TENM2: variants seen among roughly 807,000 people sequenced by gnomAD.
TENM2 encodes teneurin-2.
A neutral mutation model predicts 245.2 loss-of-function variants in TENM2; 52 were observed. The observed-to-expected ratio is 0.21, with a 90% CI of 0.17 to 0.27. The LOEUF (loss-of-function observed/expected upper bound fraction) is 0.27. TENM2 is among the 10% of genes least tolerant of loss of function. The pLI is 1.00. For missense variants in TENM2, 3,046 were observed against 3,666.8 expected (o/e 0.83, Z 4.37); for synonymous variants, 1,363 against 1,438.9 (o/e 0.95, Z 1.19).
In TENM2 at chr5:167,935,305, T is replaced by C. The variant is rs1778618922; in HGVS notation, c.713-17283T>C. On this transcript the variant is annotated intron_variant, in intron 3 of 28. Transcript: ENST00000518659. ...CCTATTGTGAGCCTAGGCAGTGCCA[T>C]TTTTCTGTACATCCCTCTCTTTTCT... Among the ~76,000 whole-genome samples, 4 of 152,150 alleles carry C rather than the reference T, an allele frequency of 2.6e-5. No homozygotes were observed. In the South Asian group the frequency reaches 8.3e-4, roughly 32 times the overall value.
At chr5:167,970,298 T>C (rs1008050689) in intron 4 of TENM2, among the ~76,000 whole-genome samples, 1 of 152,238 alleles carries the variant, frequency 6.6e-6, no homozygotes, top group Non-Finnish European at 1.5e-5. Flanking sequence ...TGTGGCCACT[T>C]AATGCATTTT....
intron 2 of TENM2, among the ~76,000 whole-genome samples, chr5:167,565,048 C>T (rs987997961): frequency 6.6e-6 from 1 of 152,190 alleles, no homozygotes; most frequent in Non-Finnish European, 1.5e-5. Context: ...AATTGAGAGG[C>T]GCTACAAAAT....
intron 2 of TENM2, among the ~76,000 whole-genome samples, chr5:167,536,464 A>G (rs1771854247): frequency 6.6e-6 from 1 of 152,188 alleles, no homozygotes; most frequent in Non-Finnish European, 1.5e-5. Flanking sequence ...TACTTAAAAA[A>G]AAAAATAACC....
At chr5:167,068,658 A>G in the TENM2 span, among the ~76,000 whole-genome samples, 23,177 of 152,182 alleles carry the variant, frequency 0.15, 2,555 homozygotes, top group East Asian at 0.38. Flanking sequence ...GGTGGCTACT[A>G]TATTACACAG....
At chr5:167,407,471 T>G (rs993154690) in intron 2 of TENM2, among the ~76,000 whole-genome samples, 4 of 152,092 alleles carry the variant, frequency 2.6e-5, no homozygotes, top group African/African-American at 7.2e-5. Flanking sequence ...TTTAACACTG[T>G]GAAGTCTCTT....
the TENM2 span, among the ~76,000 whole-genome samples, chr5:167,176,787 G>A: frequency 2.0e-5 from 3 of 152,168 alleles, no homozygotes; most frequent in Non-Finnish European, 4.4e-5. Flanking sequence ...CTATAAAAAA[G>A]ATATCAATAT....
chr5:167,223,696 A>G, the TENM2 span, among the ~76,000 whole-genome samples: 5 of 152,110 alleles, frequency 3.3e-5, no homozygotes, highest in African/African-American at 1.2e-4. Flanking sequence ...TTTCCTCTGA[A>G]TAAATATCCA....
At chr5:167,411,573 A>AGTGTGTGTGTGTGTGT (rs60856762) in intron 2 of TENM2, among the ~76,000 whole-genome samples, 7 of 145,046 alleles carry the variant, frequency 4.8e-5, no homozygotes, top group African/African-American at 1.5e-4. Context: ...TGTAGGTGAG[A>AGTGTGTGTGTGTGTGT]GTGTGTGTGT....
At chr5:167,859,323 C>A (rs1324936554) in intron 2 of TENM2, among the ~76,000 whole-genome samples, 1 of 146,230 alleles carries the variant, frequency 6.8e-6, no homozygotes, top group Admixed American at 6.7e-5. Flanking sequence ...GCAGCCACCC[C>A]ATCTGGGAAG....
In TENM2 at chr5:167,829,305, C is replaced by T. The variant is rs567893628; in HGVS notation, c.503-46681C>T. Among the ~76,000 whole-genome samples, 3 of 152,354 alleles carry T rather than the reference C, an allele frequency of 2.0e-5. No individual in the cohort carries two copies. The East Asian group carries it at 5.8e-4, about 29-fold the overall frequency. On this transcript the variant is annotated intron_variant, in intron 2 of 28. Transcript: ENST00000518659. ...GCCTTAAAGAAACTGCCTCATGTTC[C>T]TGGCTTGCCAGCTTGTTGAGGATAC... is the stretch of plus-strand genomic sequence containing the variant.
intron 10 of TENM2, among the ~76,000 whole-genome samples, chr5:168,123,452 C>A (rs1795621532): frequency 1.3e-5 from 2 of 152,124 alleles, no homozygotes; most frequent in African/African-American, 4.8e-5. Context: ...TATTTAGAGA[C>A]CAGAAGTCTT....
At chr5:167,613,764 G>A (rs1488606334) in intron 2 of TENM2, among the ~76,000 whole-genome samples, 1 of 152,118 alleles carries the variant, frequency 6.6e-6, no homozygotes, top group African/African-American at 2.4e-5. Context: ...TTATGTGTGT[G>A]TATGAGTGTT....
the TENM2 span, among the ~76,000 whole-genome samples, chr5:166,992,483 T>C: frequency 3.3e-5 from 5 of 152,202 alleles, no homozygotes; most frequent in Admixed American, 6.5e-5. Flanking sequence ...TTTAAATCAT[T>C]TTTACTTTCA....
At position 167,678,235 on chromosome 5, in the gene TENM2, A is replaced by G. The variant is rs554844306; in HGVS notation, c.503-197751A>G. On this transcript the variant is annotated intron_variant, in intron 2 of 28. Transcript: ENST00000518659. ...TGTGATTTTTATTTTGTATTTCCTA[A>G]TTCTCTACGATTAACATATGTTATA... is the stretch of plus-strand genomic sequence containing the variant. Among the ~76,000 whole-genome samples the G allele has an allele frequency of 3.9e-5, 6 of 152,174 alleles. No individual in the cohort carries two copies. The East Asian group carries it at 1.2e-3, about 29-fold the overall frequency.
chr5:167,600,884 A>C (rs1582506189), intron 2 of TENM2, among the ~76,000 whole-genome samples: 1 of 152,350 alleles, frequency 6.6e-6, no homozygotes, highest in East Asian at 1.9e-4. Context: ...TTTATATATA[A>C]CTAAACGGCA....
intron 5 of TENM2, among the ~76,000 whole-genome samples, chr5:168,036,643 A>AT (rs1455605915): frequency 6.0e-4 from 44 of 73,828 alleles, no homozygotes; most frequent in Admixed American, 1.9e-3. Context: ...TCAAAAAAAA[A>AT]ATATATATAT....
chr5:167,755,161 T>C lies in TENM2; in HGVS notation c.503-120825T>C, dbSNP rs764248868. On this transcript the variant is annotated intron_variant, in intron 2 of 28. Transcript: ENST00000518659. ...GTACCTCACCTCAGTCTGTGAGTTT[T>C]CTCCATGGGAAGGTTGTGATGGAGT... 6 of 1,598,966 alleles carry C rather than the reference T, an allele frequency of 3.8e-6. No homozygotes were observed. The East Asian group carries it at 1.3e-4, about 36-fold the overall frequency.
At chr5:167,078,407 C>T in the TENM2 span, among the ~76,000 whole-genome samples, 2 of 151,896 alleles carry the variant, frequency 1.3e-5, no homozygotes, top group Non-Finnish European at 2.9e-5. Flanking sequence ...CTCTTGGACC[C>T]GGGAAGTGGA....
intron 14 of TENM2, among the ~76,000 whole-genome samples, chr5:168,192,384 A>C (rs1761039017): frequency 6.6e-6 from 1 of 152,204 alleles, no homozygotes; most frequent in Non-Finnish European, 1.5e-5. Flanking sequence ...GTCAGAACTC[A>C]CCAGATCGCC....
Sources: gnomAD v4.1 joint callset for allele counts (sites outside exome capture counted in the v4.1 genomes callset) on GRCh38, gnomAD v4.1.1 for gene constraint, MANE v1.5 for transcripts, NCBI Gene and HGNC (gene_info 2026-07-23, HGNC 2026-07-21) for gene names.